The following RABGAP1L variants were observed in gnomAD, a reference collection of about 807,000 sequenced individuals.
RABGAP1L encodes RAB GTPase activating protein 1 like.
Under a neutral mutation model 137.7 loss-of-function variants are expected in RABGAP1L, and 63 were observed. The ratio of observed to expected loss-of-function variants is 0.46; its 90% CI spans 0.37 to 0.56. RABGAP1L has a LOEUF of 0.56. Among genes scored for constraint, RABGAP1L ranks in the 20% least tolerant of loss-of-function variants. RABGAP1L has a pLI of 0.00. For synonymous variants in RABGAP1L, 431 were observed against 433.7 expected (o/e 0.99, Z 0.08); for missense variants, 1,095 against 1,244.0 (o/e 0.88, Z 1.80).
At chr1:174,283,863 G>A (rs1393254454) in intron 10 of RABGAP1L, among the ~76,000 whole-genome samples, 1 of 152,114 alleles carries the variant, frequency 6.6e-6, no homozygotes, top group Non-Finnish European at 1.5e-5. Flanking sequence ...GTCTCATGGA[G>A]TATCACTTCA....
intron 18 of RABGAP1L, among the ~76,000 whole-genome samples, chr1:174,780,194 T>C (rs1258741791): frequency 6.6e-6 from 1 of 152,186 alleles, no homozygotes; most frequent in East Asian, 1.9e-4. Flanking sequence ...CCATCCTGCT[T>C]TTCCCATATT....
chr1:174,443,364 TGCATCCTCACCA>T (rs1654370391), intron 13 of RABGAP1L, among the ~76,000 whole-genome samples: 1 of 152,094 alleles, frequency 6.6e-6, no homozygotes, highest in Non-Finnish European at 1.5e-5. Context: ...CTGTTTTCTC[TGCATCCTCACCA>T]GCGTTTGTTA....
chr1:174,868,798 C>T (rs1035182505), intron 19 of RABGAP1L, among the ~76,000 whole-genome samples: 22 of 152,162 alleles, frequency 1.4e-4, no homozygotes, highest in Admixed American at 8.5e-4. Flanking sequence ...GCCCCAACGC[C>T]CCACCCAGGC....
chr1:174,333,300 A>G (rs1318754249), intron 11 of RABGAP1L, among the ~76,000 whole-genome samples: 1 of 152,202 alleles, frequency 6.6e-6, no homozygotes, highest in Non-Finnish European at 1.5e-5. Flanking sequence ...TATTTCACAT[A>G]GCTAGAACAG....
At chr1:174,238,491 G>T (rs1671429986) in intron 4 of RABGAP1L, among the ~76,000 whole-genome samples, 1 of 152,144 alleles carries the variant, frequency 6.6e-6, no homozygotes, top group African/African-American at 2.4e-5. Context: ...CTAATAGACA[G>T]GACCCTCAGC....
intron 11 of RABGAP1L, among the ~76,000 whole-genome samples, chr1:174,364,243 CTTTTTTTTTTTTTTTTTTT>C (rs1054313083): frequency 1.2e-5 from 1 of 81,184 alleles, no homozygotes; most frequent in Non-Finnish European, 2.2e-5. Context: ...TTTGGATTTC[CTTTTTTTTTTTTTTTTTTT>C]TTTTTTTTTT....
At chr1:174,893,933 A>G (rs764543311) in intron 19 of RABGAP1L, among the ~76,000 whole-genome samples, 3 of 152,188 alleles carry the variant, frequency 2.0e-5, no homozygotes, top group Non-Finnish European at 4.4e-5. Flanking sequence ...TCCTGCTGCT[A>G]GGGAAGTGCA....
rs1190555856 is a variant in RABGAP1L, at chr1:174,939,701, A to AAGTTTTCTCTG, written c.2341-17756_2341-17755insAGTTTTCTCTG. On this transcript the variant is annotated intron_variant, in intron 19 of 25. Coordinates refer to ENST00000681986, the MANE Select transcript of RABGAP1L (RefSeq NM_001366446.1). ...GGTAATTATTGGCTCTGTCAAACAT[A>AAGTTTTCTCTG]TCAGAGAAAACTTCCAAATTTAATT... is the stretch of plus-strand genomic sequence containing the variant. Among the ~76,000 whole-genome samples the AAGTTTTCTCTG allele has an allele frequency of 6.9e-3, 1,051 of 152,344 alleles. 9 individuals carry two copies. The highest frequency in any genetic ancestry group is 0.023 in the African/African-American group (971 of 41,584).
intron 13 of RABGAP1L, among the ~76,000 whole-genome samples, chr1:174,424,931 C>T (rs1396714019): frequency 6.6e-6 from 1 of 151,982 alleles, no homozygotes; most frequent in Non-Finnish European, 1.5e-5. Flanking sequence ...TATCTTTAAG[C>T]ATTTAGAACA....
At chr1:174,816,964 CATG>C (rs1427811515) in intron 19 of RABGAP1L, among the ~76,000 whole-genome samples, 1 of 151,980 alleles carries the variant, frequency 6.6e-6, no homozygotes, top group African/African-American at 2.4e-5. Context: ...CTCCTGATCT[CATG>C]ATCCACCCAC....
chr1:174,302,089 A>G (rs1002199979), intron 10 of RABGAP1L, among the ~76,000 whole-genome samples: 1 of 152,236 alleles, frequency 6.6e-6, no homozygotes, highest in Non-Finnish European at 1.5e-5. Flanking sequence ...TAAAAGTTCT[A>G]AGATACGGAC....
chr1:174,764,986 TA>T (rs919589875), intron 18 of RABGAP1L, among the ~76,000 whole-genome samples: 1 of 152,176 alleles, frequency 6.6e-6, no homozygotes, highest in Non-Finnish European at 1.5e-5. Flanking sequence ...CTGTTACTAA[TA>T]AACTACTGTC....
intron 19 of RABGAP1L, among the ~76,000 whole-genome samples, chr1:174,918,710 A>C (rs891617824): frequency 1.3e-5 from 2 of 152,154 alleles, no homozygotes; most frequent in East Asian, 3.9e-4. Context: ...CCAGGAGGTC[A>C]TGGCTATAGT....
intron 15 of RABGAP1L, among the ~76,000 whole-genome samples, chr1:174,685,447 G>T (rs1271398976): frequency 1.3e-5 from 2 of 152,040 alleles, no homozygotes; most frequent in Non-Finnish European, 2.9e-5. Flanking sequence ...TAGAGATGGG[G>T]TTTCACCATG....
At chr1:174,715,024 G>A (rs1448261285) in intron 17 of RABGAP1L, among the ~76,000 whole-genome samples, 2 of 152,118 alleles carry the variant, frequency 1.3e-5, no homozygotes, top group Non-Finnish European at 2.9e-5. Flanking sequence ...AATATAGGGC[G>A]TAATCTTTAA....
intron 5 of RABGAP1L, among the ~76,000 whole-genome samples, chr1:174,248,136 C>T (rs915841791): frequency 2.0e-5 from 3 of 152,156 alleles, no homozygotes; most frequent in Admixed American, 1.3e-4. Context: ...CCTCTATAAA[C>T]ACTTGAATTA....
intron 13 of RABGAP1L, among the ~76,000 whole-genome samples, chr1:174,471,944 C>T (rs1025418055): frequency 3.9e-5 from 6 of 152,038 alleles, no homozygotes; most frequent in South Asian, 2.1e-4. Flanking sequence ...TTCCATTATA[C>T]GAAGAGGAAG....
chr1:174,947,710 G>A (rs966065999), intron 19 of RABGAP1L, among the ~76,000 whole-genome samples: 3 of 152,068 alleles, frequency 2.0e-5, no homozygotes, highest in Admixed American at 6.6e-5. Flanking sequence ...GTAAGCCACC[G>A]CACCCAGCCA....
chr1:174,607,822 G>A (rs1376516488), intron 13 of RABGAP1L, among the ~76,000 whole-genome samples: 3 of 152,194 alleles, frequency 2.0e-5, no homozygotes, highest in African/African-American at 4.8e-5. Flanking sequence ...TAAGCAAAAT[G>A]TGTGTTTTAG....
Sources: gnomAD v4.1 joint callset for allele counts (sites outside exome capture counted in the v4.1 genomes callset) on GRCh38, gnomAD v4.1.1 for gene constraint, MANE v1.5 for transcripts, NCBI Gene and HGNC (gene_info 2026-07-23, HGNC 2026-07-21) for gene names.